The following CTNNA3 variants were observed in gnomAD, a reference collection of about 807,000 sequenced individuals.
CTNNA3 encodes the protein catenin alpha-3.
Under a neutral mutation model 95.7 loss-of-function variants are expected in CTNNA3, and 76 were observed. The ratio of observed to expected loss-of-function variants is 0.79; its 90% CI spans 0.66 to 0.96. CTNNA3 has a LOEUF of 0.96. Among genes scored for constraint, CTNNA3 ranks in the 40% least tolerant of loss-of-function variants. The pLI is 0.00. For missense variants in CTNNA3, 1,191 were observed against 1,089.8 expected (o/e 1.09, Z -1.31); for synonymous variants, 431 against 374.4 (o/e 1.15, Z -1.74).
chr10:66,013,236 A>T (rs761217335), intron 15 of CTNNA3, among the ~76,000 whole-genome samples: 7 of 152,240 alleles, frequency 4.6e-5, no homozygotes, highest in Middle Eastern at 6.8e-3. Flanking sequence ...CATGTATATT[A>T]TTTTCATGAA....
chr10:66,901,177 C>G (rs1589396361), intron 7 of CTNNA3, among the ~76,000 whole-genome samples: 1 of 152,338 alleles, frequency 6.6e-6, no homozygotes, highest in East Asian at 1.9e-4. Context: ...AACAGCGGAT[C>G]TCTCAGCAGA....
chr10:66,621,121 G>A (rs761123123), intron 10 of CTNNA3, among the ~76,000 whole-genome samples: 21 of 151,818 alleles, frequency 1.4e-4, no homozygotes, highest in Non-Finnish European at 1.8e-4. Flanking sequence ...TTTTCAAACC[G>A]ATACCTTCTT....
intron 10 of CTNNA3, among the ~76,000 whole-genome samples, chr10:66,552,247 T>C (rs764773706): frequency 6.6e-6 from 1 of 152,154 alleles, no homozygotes; most frequent in Non-Finnish European, 1.5e-5. Context: ...TGCTGGGATT[T>C]CCCCTCACTC....
chr10:66,673,060 C>A (rs927707757), intron 9 of CTNNA3, among the ~76,000 whole-genome samples: 2 of 152,008 alleles, frequency 1.3e-5, no homozygotes, highest in African/African-American at 4.8e-5. Flanking sequence ...TCCACATCAG[C>A]ATGTATTATA....
At chr10:67,052,313 ACTCTCTCTCTCTCTCTCT>A (rs3841706) in intron 7 of CTNNA3, among the ~76,000 whole-genome samples, 5 of 121,070 alleles carry the variant, frequency 4.1e-5, no homozygotes, top group Admixed American at 7.9e-5. Flanking sequence ...CCCACTCATC[ACTCTCTCTCTCTCTCTCT>A]CTCTCTCTCT....
intron 7 of CTNNA3, among the ~76,000 whole-genome samples, chr10:66,838,001 C>T (rs1486771215): frequency 3.3e-5 from 5 of 152,094 alleles, no homozygotes. Flanking sequence ...AGGTCTAAAT[C>T]TGAAGAGTCT....
At chr10:66,339,163 C>T (rs2092427621) in intron 12 of CTNNA3, among the ~76,000 whole-genome samples, 2 of 151,970 alleles carry the variant, frequency 1.3e-5, no homozygotes, top group South Asian at 4.1e-4. Flanking sequence ...TTCTTAAACA[C>T]AGTGAGCAAC....
chr10:67,434,891 C>T (rs1846247030), intron 5 of CTNNA3, among the ~76,000 whole-genome samples: 1 of 151,966 alleles, frequency 6.6e-6, no homozygotes, highest in Admixed American at 6.6e-5. Flanking sequence ...TCTAAACCCA[C>T]ATTCCCTCTA....
At chr10:67,027,589 C>T (rs1234408972) in intron 7 of CTNNA3, among the ~76,000 whole-genome samples, 1 of 151,926 alleles carries the variant, frequency 6.6e-6, no homozygotes, top group Non-Finnish European at 1.5e-5. Context: ...TGTGCGCCAC[C>T]ATGCCCAGCT....
intron 1 of CTNNA3, among the ~76,000 whole-genome samples, chr10:67,737,030 C>G (rs967618056): frequency 2.6e-5 from 4 of 152,122 alleles, no homozygotes; most frequent in Admixed American, 2.6e-4. Context: ...ATGGCATGAT[C>G]TCAGCTCACT....
At chr10:67,027,442 T>TC (rs1163762160) in intron 7 of CTNNA3, among the ~76,000 whole-genome samples, 1 of 150,876 alleles carries the variant, frequency 6.6e-6, no homozygotes, top group East Asian at 1.9e-4. Context: ...ATGACTTTTT[T>TC]TTTTTTTTTT....
chr10:66,013,701 G>C (rs1367197809), intron 15 of CTNNA3, among the ~76,000 whole-genome samples: 2 of 152,168 alleles, frequency 1.3e-5, no homozygotes, highest in African/African-American at 2.4e-5. Flanking sequence ...AGGTTGTAAA[G>C]TTTAATTTAG....
chr10:66,905,660 A>G (rs1413684528), intron 7 of CTNNA3, among the ~76,000 whole-genome samples: 1 of 152,170 alleles, frequency 6.6e-6, no homozygotes, highest in Non-Finnish European at 1.5e-5. Context: ...TGGTATATAC[A>G]CATAATGGTG....
chr10:65,989,354 T>G (rs1427624802), intron 15 of CTNNA3, among the ~76,000 whole-genome samples: 1 of 152,176 alleles, frequency 6.6e-6, no homozygotes, highest in Admixed American at 6.5e-5. Flanking sequence ...GCAGAGAAGA[T>G]GAAGACCTTT....
At chr10:66,516,720 A>C (rs746723536) in intron 11 of CTNNA3, among the ~76,000 whole-genome samples, 1 of 152,174 alleles carries the variant, frequency 6.6e-6, no homozygotes, top group Non-Finnish European at 1.5e-5. Flanking sequence ...AATTGGCTCA[A>C]GATTGAGAGA....
At chr10:66,768,495 A>T (rs188911642) in intron 8 of CTNNA3, among the ~76,000 whole-genome samples, 78 of 152,318 alleles carry the variant, frequency 5.1e-4, no homozygotes, top group African/African-American at 1.9e-3. Context: ...CAACTAAAAG[A>T]CAAACTTTCA....
chr10:66,391,772 G>A lies in CTNNA3; in HGVS notation c.1532-12420C>T, dbSNP rs374135348. Among the ~76,000 whole-genome samples the A allele has an allele frequency of 2.9e-4, 44 of 151,802 alleles. No individual in the cohort carries two copies. In the South Asian group the frequency reaches 3.7e-3, roughly 13 times the overall value. On this transcript the variant is annotated intron_variant, in intron 11 of 17. Transcript: ENST00000433211. ...TTTAAACAAGGCTTATCATTTTAGC[G>A]CCTCTCAAAAATAAATTTTTGACAC...
rs116466889 is a variant in CTNNA3 at position 67,018,311 on chromosome 10, C to T, written c.1047+162006G>A. On this transcript the variant is annotated intron_variant, in intron 7 of 17. Coordinates refer to ENST00000433211, the MANE Select transcript of CTNNA3 (RefSeq NM_013266.4). ...GAGGTAGTTTACTCTTCGCTTTCAC[C>T]CATTTCTGATTTGATTCCTGATTCC... 8.9e-4 allele frequency among the ~76,000 whole-genome samples: 135 copies of T among 152,194 alleles called. 1 individual carries two copies. Among genetic ancestry groups the T allele is most frequent in the Middle Eastern group, 3.4e-3 (1 of 294 alleles).
In CTNNA3 at chr10:66,996,649, C is replaced by CAAAAAAAAAAAAAAA. The variant is rs57025097; in HGVS notation, c.1047+183653_1047+183667dup. 2.8e-3 allele frequency among the ~76,000 whole-genome samples: 188 copies of CAAAAAAAAAAAAAAA among 67,622 alleles called. 18 individuals carry two copies. Among genetic ancestry groups the CAAAAAAAAAAAAAAA allele is most frequent in the East Asian group, 7.8e-3 (12 of 1,534 alleles). The allele number at this position is 67,622 out of a possible 152,430, so 44.4% of individuals were successfully genotyped here. A position where few individuals can be genotyped will look rare whatever the true frequency, so the allele number is the denominator to read the frequency against. ...GTGAGAGAGTGAGACTCCGTCTCTA[C>CAAAAAAAAAAAAAAA]AAAAAAAAAAAAAAAAAAAAAAGCA... is the stretch of plus-strand genomic sequence containing the variant. On this transcript the variant is annotated intron_variant, in intron 7 of 17. Transcript: ENST00000433211.
Sources: allele counts gnomAD v4.1 joint callset (sites outside exome capture counted in the v4.1 genomes callset), GRCh38; gene constraint gnomAD v4.1.1; transcripts MANE v1.5; gene names NCBI Gene and HGNC (gene_info 2026-07-23, HGNC 2026-07-21).